ANKS1B: variants seen among roughly 807,000 people sequenced by gnomAD.
The protein encoded by ANKS1B is ankyrin repeat and sterile alpha motif domain containing 1B, also known as ankyrin repeat and sterile alpha motif domain-containing protein 1B.
Under a neutral mutation model 148.3 loss-of-function variants are expected in ANKS1B, and 36 were observed. That is an observed-to-expected ratio of 0.24 (90% CI 0.19 to 0.32). The LOEUF is 0.32. ANKS1B is among the 10% of genes least tolerant of loss of function. The probability of loss-of-function intolerance (pLI) is 1.00; values close to 1 mark genes in which losing one functional copy is unlikely to be tolerated. For synonymous variants in ANKS1B, 542 were observed against 560.8 expected (o/e 0.97, Z 0.47); for missense variants, 1,157 against 1,542.6 (o/e 0.75, Z 4.19).
intron 1 of ANKS1B, among the ~76,000 whole-genome samples, chr12:99,951,042 C>T (rs2095208622): frequency 6.6e-6 from 1 of 152,150 alleles, no homozygotes; most frequent in Non-Finnish European, 1.5e-5. Context: ...AGGATTTCCC[C>T]CTCAGAATTT....
intron 9 of ANKS1B, among the ~76,000 whole-genome samples, chr12:98,736,788 C>T (rs143051990): frequency 1.3e-5 from 2 of 152,346 alleles, no homozygotes; most frequent in African/African-American, 4.8e-5. Flanking sequence ...ACAGTGAATG[C>T]AGCAGGCATG....
At chr12:99,866,701 G>A (rs1308508479) in intron 1 of ANKS1B, among the ~76,000 whole-genome samples, 2 of 152,028 alleles carry the variant, frequency 1.3e-5, no homozygotes, top group Non-Finnish European at 2.9e-5. Flanking sequence ...ATTGTTAAAG[G>A]TATGATACCA....
At chr12:99,290,098 T>G (rs1318752376) in intron 12 of ANKS1B, among the ~76,000 whole-genome samples, 1 of 151,846 alleles carries the variant, frequency 6.6e-6, no homozygotes, top group Admixed American at 6.6e-5. Flanking sequence ...CAACTGATAC[T>G]CCAGAAATTC....
chr12:98,743,915 T>G (rs551233414), downstream of ANKS1B: 5 of 836,544 alleles, frequency 6.0e-6, no homozygotes, highest in East Asian at 5.0e-4. Context: ...GGCTGGGCCT[T>G]TGGTTCTGCT....
intron 20 of ANKS1B, among the ~76,000 whole-genome samples, chr12:98,802,479 G>A (rs1315705971): frequency 6.6e-6 from 1 of 151,994 alleles, no homozygotes; most frequent in Non-Finnish European, 1.5e-5. Context: ...CATATTTTGG[G>A]GAGGAGAACT....
chr12:99,745,904 AAGAC>A (rs2060548936), intron 8 of ANKS1B, among the ~76,000 whole-genome samples: 1 of 152,056 alleles, frequency 6.6e-6, no homozygotes, highest in Non-Finnish European at 1.5e-5. Context: ...CCATAAATAA[AAGAC>A]AATGATTTTC....
intron 17 of ANKS1B, among the ~76,000 whole-genome samples, chr12:98,964,953 C>T (rs1415896721): frequency 3.3e-5 from 5 of 152,004 alleles, no homozygotes; most frequent in East Asian, 3.9e-4. Flanking sequence ...ATTTATTGTA[C>T]ATTTAAAAAT....
chr12:99,895,640 G>T (rs1290256816), intron 1 of ANKS1B, among the ~76,000 whole-genome samples: 6 of 148,780 alleles, frequency 4.0e-5, no homozygotes, highest in African/African-American at 1.5e-4. Flanking sequence ...TGACTTTCTG[G>T]ATTGAAAGGG....
intron 19 of ANKS1B, among the ~76,000 whole-genome samples, chr12:98,824,088 T>A (rs1290943288): frequency 6.6e-6 from 1 of 152,226 alleles, no homozygotes; most frequent in Non-Finnish European, 1.5e-5. Flanking sequence ...GCCCTCTCAC[T>A]TGATATTTTA....
At chr12:98,740,881 C>A (rs2097795023), downstream of ANKS1B, among the ~76,000 whole-genome samples, 1 of 152,158 alleles carries the variant, frequency 6.6e-6, no homozygotes. Context: ...ATGGTCCTTA[C>A]CATCTTTTCT....
chr12:99,231,298 C>G (rs1056162410), intron 14 of ANKS1B, among the ~76,000 whole-genome samples: 9 of 152,060 alleles, frequency 5.9e-5, no homozygotes, highest in African/African-American at 2.2e-4. Flanking sequence ...CTTACACCCC[C>G]TCAGATGGCT....
At chr12:99,311,699 AG>A (rs1398950075) in intron 12 of ANKS1B, among the ~76,000 whole-genome samples, 1 of 152,180 alleles carries the variant, frequency 6.6e-6, no homozygotes, top group Non-Finnish European at 1.5e-5. Flanking sequence ...AAAAATGTTC[AG>A]AAACTTTTGA....
At chr12:99,320,163 A>G (rs2084961771) in intron 12 of ANKS1B, among the ~76,000 whole-genome samples, 1 of 152,108 alleles carries the variant, frequency 6.6e-6, no homozygotes, top group Non-Finnish European at 1.5e-5. Context: ...TCTGACAATT[A>G]TGTGTCTTGA....
intron 11 of ANKS1B, among the ~76,000 whole-genome samples, chr12:99,431,868 T>G (rs2095378906): frequency 6.6e-6 from 1 of 152,172 alleles, no homozygotes; most frequent in Non-Finnish European, 1.5e-5. Context: ...AGATTGAAAT[T>G]TGATTCCCAA....
intron 17 of ANKS1B, among the ~76,000 whole-genome samples, chr12:98,866,091 T>C (rs756050870): frequency 1.3e-5 from 2 of 152,088 alleles, no homozygotes; most frequent in Non-Finnish European, 2.9e-5. Context: ...CCTAATACCA[T>C]CACTTTAGGA....
intron 25 of ANKS1B, among the ~76,000 whole-genome samples, chr12:98,771,703 T>C (rs760061779): frequency 1.5e-4 from 23 of 152,140 alleles, no homozygotes; most frequent in Admixed American, 6.6e-4. Context: ...CATCTTCAAC[T>C]CCTGAGCTCA....
intron 9 of ANKS1B, among the ~76,000 whole-genome samples, chr12:99,553,940 T>C (rs1387426532): frequency 6.6e-6 from 1 of 152,194 alleles, no homozygotes; most frequent in Non-Finnish European, 1.5e-5. Flanking sequence ...TGTGTCTCAA[T>C]CCTGGGACTT....
At chr12:99,635,727 A>G (rs1233482855) in intron 9 of ANKS1B, among the ~76,000 whole-genome samples, 1 of 152,078 alleles carries the variant, frequency 6.6e-6, no homozygotes, top group African/African-American at 2.4e-5. Context: ...TACACTTTAA[A>G]AATAGTTAAT....
chr12:98,862,373 GTTGT>G (rs1034156348), intron 17 of ANKS1B, among the ~76,000 whole-genome samples: 3 of 152,086 alleles, frequency 2.0e-5, no homozygotes, highest in Non-Finnish European at 4.4e-5. Context: ...TTCTCAAAGG[GTTGT>G]TTGTGTGAGA....
Sources: allele counts gnomAD v4.1 joint callset (sites outside exome capture counted in the v4.1 genomes callset), GRCh38; gene constraint gnomAD v4.1.1; transcripts MANE v1.5; gene names NCBI Gene and HGNC (gene_info 2026-07-23, HGNC 2026-07-21).